The following TBC1D30 variants were observed in gnomAD, a reference collection of about 807,000 sequenced individuals.
TBC1D30 encodes TBC1 domain family member 30, also known as TBC1 domain family, member 30.
TBC1D30 carries 31 observed loss-of-function variants against 63.2 expected under a neutral mutation model. The ratio of observed to expected loss-of-function variants is 0.49; its 90% CI spans 0.37 to 0.66. TBC1D30 has a LOEUF of 0.66. Ranked by LOEUF, TBC1D30 falls within the 30% of genes least tolerant of loss-of-function variation. TBC1D30 has a pLI of 0.00. For missense variants in TBC1D30, 810 were observed against 953.6 expected, an observed-to-expected ratio of 0.85 and a Z score of 1.98; for synonymous variants, 307 against 361.5, an observed-to-expected ratio of 0.85 and a Z score of 1.71.
intron 3 of TBC1D30, among the ~76,000 whole-genome samples, chr12:64,829,959 G>GA (rs1303143059): frequency 5.3e-5 from 8 of 152,128 alleles, no homozygotes; most frequent in Non-Finnish European, 7.4e-5. Context: ...ACTCCATGGT[G>GA]AAAAAAAGCC....
chr12:64,852,793 GT>G (rs1565678685), intron 8 of TBC1D30, among the ~76,000 whole-genome samples: 1 of 152,306 alleles, frequency 6.6e-6, no homozygotes, highest in East Asian at 1.9e-4. Context: ...TCCAGACCCT[GT>G]TTTCCTGGGT....
intron 2 of TBC1D30, chr12:64,786,085 A>G: frequency 7.9e-7 from 1 of 1,262,126 alleles, no homozygotes; most frequent in Non-Finnish European, 1.0e-6. Context: ...GCCACATGCA[A>G]CTAGAATGTT....
chr12:64,790,796 CT>C (rs772928113), intron 2 of TBC1D30, among the ~76,000 whole-genome samples: 5 of 152,066 alleles, frequency 3.3e-5, no homozygotes, highest in African/African-American at 4.8e-5. Flanking sequence ...TCATTAATAC[CT>C]TGTCCTCTGT....
Position 64,862,724 on chromosome 12 carries a change from G to A in TBC1D30, c.1039-1944G>A, listed in dbSNP as rs536899837. ...CTTGTAAGGAATTTTGAAATTCTTA[G>A]CATCAAAAATCTCATCTTTTAAAGT... is the stretch of plus-strand genomic sequence containing the variant. On this transcript the variant is annotated intron_variant, in intron 8 of 11. Transcript: ENST00000539867. 6.8e-4 allele frequency among the ~76,000 whole-genome samples: 104 copies of A among 152,086 alleles called. 1 individual carries two copies. Among genetic ancestry groups the A allele is most frequent in the Non-Finnish European group, 1.4e-3 (95 of 68,022 alleles).
chr12:64,867,973 GC>G (rs1878362336), intron 10 of TBC1D30: 3 of 152,722 alleles, frequency 2.0e-5, no homozygotes, highest in African/African-American at 7.2e-5. Context: ...CTTCTAATAA[GC>G]CTGTAGCTCT....
chr12:64,781,156 C>G, exon 1 of TBC1D30: 2 of 1,021,668 alleles, frequency 2.0e-6, no homozygotes, highest in Non-Finnish European at 1.2e-6. Flanking sequence ...ACAGCCTCGA[C>G]AGCTCCACCG....
intron 7 of TBC1D30, among the ~76,000 whole-genome samples, chr12:64,839,377 T>C (rs146596563): frequency 6.6e-6 from 1 of 152,238 alleles, no homozygotes; most frequent in Non-Finnish European, 1.5e-5. Context: ...TATTACCAAA[T>C]AGATTTTGCT....
At chr12:64,834,080 A>C (rs1875110131) in intron 5 of TBC1D30, among the ~76,000 whole-genome samples, 1 of 152,202 alleles carries the variant, frequency 6.6e-6, no homozygotes, top group Non-Finnish European at 1.5e-5. Flanking sequence ...TGAGAAACTG[A>C]ATATTTCAGC....
At chr12:64,781,373 G>A in intron 1 of TBC1D30, 1 of 1,020,586 alleles carries the variant, frequency 9.8e-7, no homozygotes, top group Non-Finnish European at 1.2e-6. Flanking sequence ...CGCGCACCTG[G>A]GCTGCTCGGC....
intron 8 of TBC1D30, among the ~76,000 whole-genome samples, chr12:64,852,096 A>G (rs568318181): frequency 2.0e-5 from 3 of 152,204 alleles, no homozygotes; most frequent in East Asian, 1.9e-4. Context: ...CTCCTGGGTA[A>G]TATCTTGAAG....
chr12:64,769,411 T>C (rs1255927621), intron 1 of TBC1D30, among the ~76,000 whole-genome samples: 1 of 151,062 alleles, frequency 6.6e-6, no homozygotes, highest in African/African-American at 2.4e-5. Context: ...GGAGTCTTGC[T>C]CTGTTGCCCA....
At chr12:64,860,545 C>T (rs1362939923) in intron 8 of TBC1D30, among the ~76,000 whole-genome samples, 2 of 151,862 alleles carry the variant, frequency 1.3e-5, no homozygotes, top group African/African-American at 4.8e-5. Flanking sequence ...GTGAATAATA[C>T]AACTGGTTAC....
At chr12:64,793,489 C>CA (rs56138627) in intron 2 of TBC1D30, among the ~76,000 whole-genome samples, 7,001 of 115,402 alleles carry the variant, frequency 0.061, 574 homozygotes, top group African/African-American at 0.21. Context: ...ACCAAAAATA[C>CA]AAAAAAAAAA....
intron 8 of TBC1D30, among the ~76,000 whole-genome samples, chr12:64,864,109 T>G (rs767781426): frequency 4.1e-5 from 6 of 146,444 alleles, no homozygotes; most frequent in Non-Finnish European, 9.1e-5. Context: ...TTTTCTTGTC[T>G]TTTTTTTTTT....
intron 8 of TBC1D30, among the ~76,000 whole-genome samples, chr12:64,857,245 A>G (rs947869964): frequency 6.6e-6 from 1 of 152,170 alleles, no homozygotes; most frequent in Non-Finnish European, 1.5e-5. Context: ...GGCCCATGGC[A>G]TACTCCCTGG....
chr12:64,851,283 T>G (rs1247720302), intron 8 of TBC1D30, among the ~76,000 whole-genome samples: 1 of 152,198 alleles, frequency 6.6e-6, no homozygotes, highest in East Asian at 1.9e-4. Context: ...TCAGTTCCAC[T>G]CTGATCCTCA....
intron 2 of TBC1D30, among the ~76,000 whole-genome samples, chr12:64,807,983 G>A (rs554064286): frequency 3.3e-4 from 44 of 131,878 alleles, no homozygotes; most frequent in African/African-American, 1.1e-3. Context: ...TTAAACTGCT[G>A]GCCTCAAGTG....
chr12:64,796,453 G>A (rs1330754759), intron 2 of TBC1D30, among the ~76,000 whole-genome samples: 1 of 152,056 alleles, frequency 6.6e-6, no homozygotes, highest in Non-Finnish European at 1.5e-5. Context: ...TTAAGCTTAC[G>A]TGAGAGAAGT....
chr12:64,863,409 C>T (rs1877956520), intron 8 of TBC1D30, among the ~76,000 whole-genome samples: 1 of 152,148 alleles, frequency 6.6e-6, no homozygotes, highest in Non-Finnish European at 1.5e-5. Context: ...TCTTGGGGCA[C>T]AGTTTATTGT....
Sources: gnomAD v4.1 joint callset for allele counts (sites outside exome capture counted in the v4.1 genomes callset) on GRCh38, gnomAD v4.1.1 for gene constraint, MANE v1.5 for transcripts, NCBI Gene and HGNC (gene_info 2026-07-23, HGNC 2026-07-21) for gene names.